ZNF254: variants seen among roughly 807,000 people sequenced by gnomAD.
The protein encoded by ZNF254 is zinc finger protein 254.
ZNF254 carries 10 observed loss-of-function variants against 12.4 expected under a neutral mutation model. The ratio of observed to expected loss-of-function variants is 0.80; its 90% CI spans 0.50 to 1.36. The LOEUF (loss-of-function observed/expected upper bound fraction) is 1.36. ZNF254 is among the 40% of genes most tolerant of loss of function. The pLI, the probability that ZNF254 is intolerant of heterozygous loss-of-function variation, is 0.00. For synonymous variants in ZNF254, 305 were observed against 253.4 expected (o/e 1.20, Z -1.93); for missense variants, 996 against 763.9 (o/e 1.30, Z -3.58).
At chr19:24,044,554 A>T (rs1213457206) in intron 1 of ZNF254, among the ~76,000 whole-genome samples, 1 of 152,014 alleles carries the variant, frequency 6.6e-6, no homozygotes, top group Non-Finnish European at 1.5e-5. Flanking sequence ...AAAAATAAAT[A>T]AATAAATACA....
In ZNF254 at chr19:24,094,538, C is replaced by T. The variant is rs532791075; in HGVS notation, c.30+7201C>T. On this transcript the variant is annotated intron_variant, in intron 1 of 3. Transcript: ENST00000357002. ...CCTCCCAAAGTGCTGGGATTACAGG[C>T]GTGAGTCACCTTACCTGGCCAAATG... 4.6e-5 allele frequency among the ~76,000 whole-genome samples: 7 copies of T among 152,298 alleles called. No homozygotes were observed. The South Asian group carries it at 1.5e-3, about 32-fold the overall frequency.
chr19:24,042,403 C>T (rs1383668185), intron 1 of ZNF254, among the ~76,000 whole-genome samples: 1 of 152,220 alleles, frequency 6.6e-6, no homozygotes, highest in South Asian at 2.1e-4. Context: ...CTCAGGTCCC[C>T]TTCCACACTG....
At chr19:24,036,181 C>A (rs1969959380) in intron 1 of ZNF254, among the ~76,000 whole-genome samples, 1 of 152,280 alleles carries the variant, frequency 6.6e-6, no homozygotes, top group East Asian at 1.9e-4. Flanking sequence ...CCTGCCTCAG[C>A]CTCTCCGAGT....
At chr19:24,065,475 CAT>C (rs1408898967) in intron 2 of ZNF254, 4 of 152,176 alleles carry the variant, frequency 2.6e-5, no homozygotes, top group Admixed American at 6.5e-5. Context: ...GGAATTGTGA[CAT>C]ATAACTTGGC....
intron 1 of ZNF254, among the ~76,000 whole-genome samples, chr19:24,044,233 C>T (rs1170194489): frequency 8.5e-5 from 10 of 118,024 alleles, no homozygotes; most frequent in Non-Finnish European, 1.6e-4. Context: ...AGCAAGACTC[C>T]GTTTAAAAAA....
chr19:24,049,916 A>G (rs971864803), intron 2 of ZNF254, among the ~76,000 whole-genome samples: 1 of 151,900 alleles, frequency 6.6e-6, no homozygotes. Context: ...CACCTAGCTA[A>G]CATGACTTTT....
upstream of ZNF254, among the ~76,000 whole-genome samples, chr19:24,086,858 T>A (rs1972059204): frequency 6.6e-6 from 1 of 152,264 alleles, no homozygotes; most frequent in African/African-American, 2.4e-5. Flanking sequence ...TGATTTTCTC[T>A]TGAACAAAAA....
At chr19:24,056,215 A>G (rs1379140928) in intron 2 of ZNF254, among the ~76,000 whole-genome samples, 1 of 152,190 alleles carries the variant, frequency 6.6e-6, no homozygotes, top group Non-Finnish European at 1.5e-5. Context: ...TGCCCAGGTT[A>G]TGTGACTCTC....
intron 2 of ZNF254, among the ~76,000 whole-genome samples, chr19:24,060,227 C>G (rs1971016224): frequency 6.6e-6 from 1 of 152,188 alleles, no homozygotes; most frequent in Non-Finnish European, 1.5e-5. Context: ...TGCCAATCAC[C>G]AAGGTGATGT....
chr19:24,040,355 C>A (rs1970111108), intron 1 of ZNF254, among the ~76,000 whole-genome samples: 1 of 152,124 alleles, frequency 6.6e-6, no homozygotes, highest in Non-Finnish European at 1.5e-5. Context: ...CATTTGGAAT[C>A]TTAATGTCTT....
chr19:24,081,013 G>A (rs1465870844), intron 2 of ZNF254, among the ~76,000 whole-genome samples: 4 of 151,136 alleles, frequency 2.6e-5, no homozygotes, highest in African/African-American at 9.7e-5. Flanking sequence ...GGAGGCCGAA[G>A]TTGCAGTGAG....
At chr19:24,125,932 T>G (rs1282645987) in intron 3 of ZNF254, among the ~76,000 whole-genome samples, 1 of 152,252 alleles carries the variant, frequency 6.6e-6, no homozygotes, top group Admixed American at 6.5e-5. Flanking sequence ...AATTTACTTG[T>G]AAAGACACTA....
At chr19:24,046,375 AT>A (rs1019643154) in intron 2 of ZNF254, 8 of 89,082 alleles carry the variant, frequency 9.0e-5, no homozygotes, top group Non-Finnish European at 1.7e-4. Context: ...ATTATTTTTT[AT>A]ATATATATAT....
intron 2 of ZNF254, among the ~76,000 whole-genome samples, chr19:24,076,886 C>T (rs1462933345): frequency 6.6e-6 from 1 of 152,152 alleles, no homozygotes; most frequent in African/African-American, 2.4e-5. Context: ...CTGGAGACTA[C>T]ATCAGGCAAA....
intron 3 of ZNF254, among the ~76,000 whole-genome samples, chr19:24,117,467 C>T (rs191132874): frequency 3.3e-5 from 5 of 152,266 alleles, no homozygotes; most frequent in Non-Finnish European, 4.4e-5. Flanking sequence ...TAGCAATCAG[C>T]GAGACTCTGT....
At chr19:24,110,947 A>C (rs1973636458) in intron 3 of ZNF254, among the ~76,000 whole-genome samples, 1 of 151,442 alleles carries the variant, frequency 6.6e-6, no homozygotes, top group Non-Finnish European at 1.5e-5. Flanking sequence ...TCCTTTTTTA[A>C]TTTTATATTT....
chr19:24,055,064 A>G (rs1970789195), intron 2 of ZNF254, among the ~76,000 whole-genome samples: 2 of 151,456 alleles, frequency 1.3e-5, no homozygotes, highest in Non-Finnish European at 2.9e-5. Context: ...TTAGCTGGGC[A>G]TGGTGGTGGG....
chr19:24,049,207 TATA>T (rs1316496722), intron 2 of ZNF254, among the ~76,000 whole-genome samples: 40 of 60,236 alleles, frequency 6.6e-4, no homozygotes, highest in African/African-American at 2.2e-3. Flanking sequence ...TATATATATA[TATA>T]TATATTTTTT....
upstream of ZNF254, among the ~76,000 whole-genome samples, chr19:24,086,469 C>A (rs1261045941): frequency 6.6e-6 from 1 of 151,782 alleles, no homozygotes; most frequent in African/African-American, 2.4e-5. Flanking sequence ...CCATGCCCAG[C>A]TAATTTTTTT....
Sources: gnomAD v4.1 joint callset for allele counts (sites outside exome capture counted in the v4.1 genomes callset) on GRCh38, gnomAD v4.1.1 for gene constraint, MANE v1.5 for transcripts, NCBI Gene and HGNC (gene_info 2026-07-23, HGNC 2026-07-21) for gene names.